Variants in VIPR1 observed in about 807,000 individuals in gnomAD.
VIPR1 encodes vasoactive intestinal peptide receptor 1.
A neutral mutation model predicts 58.8 loss-of-function variants in VIPR1; 59 were observed. The ratio of observed to expected loss-of-function variants is 1.00; its 90% CI spans 0.81 to 1.25. The LOEUF (loss-of-function observed/expected upper bound fraction) is 1.25. VIPR1 is among the 50% of genes most tolerant of loss of function. The pLI, the probability that VIPR1 is intolerant of heterozygous loss-of-function variation, is 0.00. For missense variants in VIPR1, 626 were observed against 602.7 expected (o/e 1.04, Z -0.40); for synonymous variants, 251 against 242.1 (o/e 1.04, Z -0.34).
chr3:42,528,263 AC>A, intron 6 of VIPR1, 140 bp downstream of exon 6: 2 of 1,143,280 alleles, frequency 1.7e-6, no homozygotes, highest in Non-Finnish European at 2.3e-6. Flanking sequence ...GGATAGCCTA[AC>A]CCCCACCCAA....
At chr3:42,503,218 T>C (rs1699951637) in intron 1 of VIPR1, among the ~76,000 whole-genome samples, 1 of 152,106 alleles carries the variant, frequency 6.6e-6, no homozygotes, top group South Asian at 2.1e-4. Flanking sequence ...GGGCCGTTCT[T>C]GTGTGCTGTG....
At chr3:42,530,405 G>C (rs1236022504) in intron 6 of VIPR1, 2 of 220,644 alleles carry the variant, frequency 9.1e-6, no homozygotes, top group Non-Finnish European at 1.9e-5. Flanking sequence ...ATGATGGATG[G>C]ACACATGGAT....
intron 4 of VIPR1, among the ~76,000 whole-genome samples, chr3:42,526,446 G>A (rs1701238167): frequency 1.3e-5 from 2 of 152,354 alleles, no homozygotes; most frequent in South Asian, 4.1e-4. Flanking sequence ...ATCTTCCCCG[G>A]AGCAGTTAAA....
upstream of VIPR1, among the ~76,000 whole-genome samples, chr3:42,501,090 G>C (rs1699859473): frequency 6.6e-6 from 1 of 152,128 alleles, no homozygotes; most frequent in Non-Finnish European, 1.5e-5. This position sits in a 1 kb window ranked among gnomAD's most constrained non-coding sequence, Gnocchi z 4.8. Context: ...ATGAAGGGAA[G>C]GAGGAGAGGG....
At chr3:42,516,707 C>T (rs1302383221) in intron 2 of VIPR1, 1 of 152,264 alleles carries the variant, frequency 6.6e-6, no homozygotes, top group Non-Finnish European at 1.5e-5. Context: ...TAAACAAAGT[C>T]CAGCAGCAGC....
At chr3:42,515,532 G>A (rs1334190794) in intron 2 of VIPR1, among the ~76,000 whole-genome samples, 1 of 152,238 alleles carries the variant, frequency 6.6e-6, no homozygotes, top group African/African-American at 2.4e-5. Flanking sequence ...CTGGGGACAG[G>A]CCACCCTCGT....
At position 42,525,949 on chromosome 3, in the gene VIPR1, C is replaced by G. The variant is rs758648714; in HGVS notation, c.355C>G (p.Pro119Ala). 1 of 1,613,686 alleles carries G rather than the reference C, an allele frequency of 6.2e-7. No individual in the cohort carries two copies. The highest frequency in any genetic ancestry group is 8.5e-7 in the Non-Finnish European group (1 of 1,179,858). Residue 119 changes from proline to alanine, a missense_variant, in exon 4 of 13, where the codon CCC (proline) becomes GCC (alanine). By Grantham distance (27) the Pro-to-Ala change is conservative. Transcript: ENST00000325123. Reference protein sequence around the residue: ...GWTHLEPGPYPIACGLDDKAA... With the variant: ...GWTHLEPGPYAIACGLDDKAA... ...GACGCACCTGGAGCCTGGCCCGTAC[C>G]CCATTGCCTGTGGTTTGGATGACAA...
rs987020709 is a variant in VIPR1, at chr3:42,537,085, A to T, written c.*804A>T. 1 of 152,226 alleles carries T rather than the reference A, an allele frequency of 6.6e-6. No homozygotes were observed. The highest frequency in any genetic ancestry group is 1.5e-5 in the Non-Finnish European group (1 of 68,056). 9.4% of individuals were successfully genotyped at this position (152,226 alleles called of 1,614,324 possible). On this transcript the variant is annotated 3_prime_UTR_variant, in exon 13 of 13. Coordinates refer to ENST00000325123, the MANE Select transcript of VIPR1 (RefSeq NM_004624.4). ...TCAAGTGGGATCTGTCACACCAGCC[A>T]TACTTATCTCTCTGTGCTGTGGAAG...
At chr3:42,528,471 T>G in intron 6 of VIPR1, 2 of 283,162 alleles carry the variant, frequency 7.1e-6, no homozygotes, top group East Asian at 7.3e-5. Context: ...CAGCCTCAGT[T>G]TCCCCATCTG....
At chr3:42,530,552 T>A in intron 6 of VIPR1, 1 of 522,698 alleles carries the variant, frequency 1.9e-6, no homozygotes, top group Non-Finnish European at 3.4e-6. Flanking sequence ...AATAGATGAA[T>A]TGATGGATGG....
intron 10 of VIPR1, chr3:42,533,852 C>T (rs902308695): frequency 1.3e-5 from 2 of 152,348 alleles, no homozygotes; most frequent in South Asian, 4.1e-4. Context: ...CCTCTGCCCC[C>T]AGCTTGCTGT....
Position 42,531,884 on chromosome 3 carries a change from C to T in VIPR1, c.918+15C>T, listed in dbSNP as rs1327039220. ...CCTCCATCTTGGTAAGATACCCTCC[C>T]ACCACCTAGAGATGGGGAAACAGGC... On this transcript the variant is annotated intron_variant, in intron 9 of 12. Transcript: ENST00000325123. 4.3e-6 allele frequency: 7 copies of T among 1,614,146 alleles called. No homozygotes were observed. The highest frequency in any genetic ancestry group is 1.7e-5 in the Admixed American group (1 of 60,024).
intron 1 of VIPR1, among the ~76,000 whole-genome samples, chr3:42,512,485 G>T (rs952672346): frequency 1.1e-4 from 16 of 152,132 alleles, no homozygotes; most frequent in Non-Finnish European, 1.6e-4. Context: ...TAAGCACTTT[G>T]GTGCCTGCAG....
intron 1 of VIPR1, among the ~76,000 whole-genome samples, chr3:42,490,627 G>T (rs1341938476): frequency 6.6e-6 from 1 of 152,214 alleles, no homozygotes; most frequent in Non-Finnish European, 1.5e-5. Context: ...AGAAAGGGCA[G>T]ATGTAAGAAC....
At chr3:42,522,009 G>C (rs1355760307) in intron 3 of VIPR1, among the ~76,000 whole-genome samples, 3 of 145,108 alleles carry the variant, frequency 2.1e-5, no homozygotes, top group Non-Finnish European at 4.5e-5. Flanking sequence ...GCCTCCCAAA[G>C]TGCTGGGATT....
At chr3:42,505,052 G>C (rs995824388) in intron 1 of VIPR1, among the ~76,000 whole-genome samples, 8 of 152,172 alleles carry the variant, frequency 5.3e-5, no homozygotes, top group African/African-American at 1.9e-4. Flanking sequence ...GAGCTGCTCA[G>C]GGCAATGCCC....
At chr3:42,520,869 C>T (rs2125656937) in intron 3 of VIPR1, among the ~76,000 whole-genome samples, 1 of 152,186 alleles carries the variant, frequency 6.6e-6, no homozygotes, top group Non-Finnish European at 1.5e-5. Context: ...ACTTGAAGCC[C>T]TCCTGAGGAG....
rs140258651 is a variant in VIPR1 at position 42,531,024 on chromosome 3, C to T, written c.790+92C>T. ...GGAGGGTGCCAACCCAGCTTGCAGT[C>T]CTACGTCTTGCTTAGCTGCAGGTCC... is the stretch of plus-strand genomic sequence containing the variant. On this transcript the variant is annotated intron_variant, in intron 7 of 12. Transcript: ENST00000325123. The T allele has an allele frequency of 1.5e-5, 22 of 1,502,782 alleles. No homozygotes were observed. The East Asian group carries it at 5.0e-4, about 34-fold the overall frequency. 93.1% of individuals were successfully genotyped at this position (1,502,782 alleles called of 1,614,324 possible).
chr3:42,527,549 C>A lies in VIPR1; in HGVS notation c.503+53C>A. On this transcript the variant is annotated intron_variant, in intron 5 of 12. Transcript: ENST00000325123. ...CAAAGCAAACCTGGCAAGTGTCCCT[C>A]CCACAGTGGAGCCCAGCGTGGCCCA... is the stretch of plus-strand genomic sequence containing the variant. The A allele has an allele frequency of 5.7e-6, 9 of 1,573,444 alleles. No individual in the cohort carries two copies. The South Asian group carries it at 1.0e-4, about 17-fold the overall frequency.
Sources: gnomAD v4.1 joint callset for allele counts (sites outside exome capture counted in the v4.1 genomes callset) on GRCh38, gnomAD v4.1.1 for gene constraint, Gnocchi (gnomAD v3.1) non-coding constraint, MANE v1.5 for transcripts, NCBI Gene and HGNC (gene_info 2026-07-23, HGNC 2026-07-21) for gene names.